GRM7: variants seen among roughly 807,000 people sequenced by gnomAD.
GRM7 encodes the protein metabotropic glutamate receptor 7.
Under a neutral mutation model 84.5 loss-of-function variants are expected in GRM7, and 35 were observed. The observed-to-expected ratio is 0.41, with a 90% CI of 0.32 to 0.55. GRM7 has a LOEUF of 0.55. Ranked by LOEUF, GRM7 falls within the 20% of genes least tolerant of loss-of-function variation. The pLI is 0.19. For synonymous variants in GRM7, 487 were observed against 455.1 expected (o/e 1.07, Z -0.89); for missense variants, 1,003 against 1,194.6 (o/e 0.84, Z 2.36).
In GRM7 at chr3:7,395,341, G is replaced by A. The variant is rs533780632; in HGVS notation, c.1034-19682G>A. Among the ~76,000 whole-genome samples the A allele has an allele frequency of 3.3e-5, 5 of 152,122 alleles. No individual in the cohort carries two copies. The East Asian group carries it at 7.7e-4, about 24-fold the overall frequency. On this transcript the variant is annotated intron_variant, in intron 4 of 9. Transcript: ENST00000357716. ...ATGATCATGTATTCAAGTTGGATAG[G>A]CATTTTTTCTCATAATAAATTTAAA...
At chr3:7,654,687 A>G (rs1699101684) in intron 8 of GRM7, among the ~76,000 whole-genome samples, 1 of 152,170 alleles carries the variant, frequency 6.6e-6, no homozygotes, top group Non-Finnish European at 1.5e-5. Flanking sequence ...AAAAATGAGA[A>G]TCACCTGAGG....
Position 7,378,964 on chromosome 3 carries a change from A to C in GRM7, c.1034-36059A>C, listed in dbSNP as rs112422471. Among the ~76,000 whole-genome samples the C allele has an allele frequency of 2.3e-3, 344 of 152,358 alleles. 2 individuals are homozygous for C. Among genetic ancestry groups the C allele is most frequent in the African/African-American group, 7.8e-3 (324 of 41,584 alleles). The stretch of plus-strand genomic sequence containing the variant: ...CATTATCACATCTAACAGAAACACT[A>C]TCCAGCCCATTATCAAATTTCCTTG... On this transcript the variant is annotated intron_variant, in intron 4 of 9. Coordinates refer to ENST00000357716, the MANE Select transcript of GRM7 (RefSeq NM_000844.4).
At chr3:7,653,180 C>CTTTTTTTTTTTT (rs1218949173) in intron 8 of GRM7, among the ~76,000 whole-genome samples, 7 of 89,514 alleles carry the variant, frequency 7.8e-5, no homozygotes, top group African/African-American at 2.2e-4. Context: ...ATACTATATC[C>CTTTTTTTTTTTT]TTTTTTTTTT....
chr3:7,094,895 C>A (rs1424995214), intron 1 of GRM7, among the ~76,000 whole-genome samples: 2 of 151,856 alleles, frequency 1.3e-5, no homozygotes, highest in African/African-American at 4.8e-5. Flanking sequence ...TTCACTAATA[C>A]ATTACAGTAT....
chr3:7,617,823 A>G (rs1396943421), intron 8 of GRM7, among the ~76,000 whole-genome samples: 6 of 152,126 alleles, frequency 3.9e-5, no homozygotes, highest in African/African-American at 1.4e-4. Flanking sequence ...GACCTTTATT[A>G]AAGAATAAGG....
intron 5 of GRM7, among the ~76,000 whole-genome samples, chr3:7,420,193 T>C (rs1343714249): frequency 1.3e-5 from 2 of 152,154 alleles, no homozygotes; most frequent in African/African-American, 4.8e-5. Flanking sequence ...TATAATTCGT[T>C]AACAAGACTG....
chr3:7,446,798 ATC>A (rs1481238616), intron 5 of GRM7, among the ~76,000 whole-genome samples: 12 of 152,002 alleles, frequency 7.9e-5, no homozygotes, highest in Non-Finnish European at 1.5e-4. Context: ...AATCCATTAT[ATC>A]TTTCATTTTC....
intron 7 of GRM7, among the ~76,000 whole-genome samples, chr3:7,547,441 C>T (rs576912556): frequency 1.4e-4 from 22 of 152,090 alleles, no homozygotes; most frequent in East Asian, 3.9e-4. Flanking sequence ...CTCCTGACCT[C>T]GTGATCTGCC....
chr3:7,171,272 C>G (rs531862373), intron 2 of GRM7, among the ~76,000 whole-genome samples: 1 of 152,228 alleles, frequency 6.6e-6, no homozygotes, highest in South Asian at 2.1e-4. Context: ...CTCTGCTTGT[C>G]TGTGTTTGTG....
chr3:6,956,985 A>T (rs1210611553), intron 1 of GRM7, among the ~76,000 whole-genome samples: 1 of 152,236 alleles, frequency 6.6e-6, no homozygotes, highest in Non-Finnish European at 1.5e-5. Flanking sequence ...ATCATGCTGA[A>T]TATCTAAAAA....
At chr3:6,949,047 CCATTTA>C (rs1698202651) in intron 1 of GRM7, among the ~76,000 whole-genome samples, 1 of 143,856 alleles carries the variant, frequency 7.0e-6, no homozygotes, top group South Asian at 2.3e-4. Context: ...AGCATTTAGC[CCATTTA>C]CATTTAAGGT....
intron 4 of GRM7, among the ~76,000 whole-genome samples, chr3:7,317,837 A>C (rs2125049546): frequency 6.6e-6 from 1 of 152,170 alleles, no homozygotes; most frequent in East Asian, 1.9e-4. Context: ...GTGAGGGAAT[A>C]AAGAGAAGGA....
intron 4 of GRM7, among the ~76,000 whole-genome samples, chr3:7,334,435 A>G (rs1206041041): frequency 2.0e-5 from 3 of 151,918 alleles, no homozygotes; most frequent in Admixed American, 6.6e-5. Context: ...CTGAAAATAT[A>G]CCAAAATAGA....
chr3:7,046,026 A>G (rs191382133), intron 1 of GRM7, among the ~76,000 whole-genome samples: 3 of 152,152 alleles, frequency 2.0e-5, no homozygotes, highest in East Asian at 1.9e-4. Flanking sequence ...TTTTCTCCAT[A>G]TCTTTGCCAG....
intron 1 of GRM7, among the ~76,000 whole-genome samples, chr3:7,068,421 G>A (rs6777970): frequency 0.12 from 18,041 of 151,976 alleles, 1,644 homozygotes; most frequent in African/African-American, 0.25. Context: ...TAATAGTTAC[G>A]CACAAAGTAC....
intron 7 of GRM7, among the ~76,000 whole-genome samples, chr3:7,523,274 G>A (rs528487727): frequency 6.6e-6 from 1 of 152,144 alleles, no homozygotes; most frequent in East Asian, 1.9e-4. Context: ...AAGGAGAAGG[G>A]GCAATTGATA....
At chr3:7,641,923 CT>C (rs1698382657) in intron 8 of GRM7, among the ~76,000 whole-genome samples, 1 of 144,120 alleles carries the variant, frequency 6.9e-6, no homozygotes, top group Non-Finnish European at 1.5e-5. Context: ...ACCATGTTTA[CT>C]TTGAAATCAA....
intron 2 of GRM7, among the ~76,000 whole-genome samples, chr3:7,193,533 C>T (rs1391003171): frequency 6.6e-6 from 1 of 152,000 alleles, no homozygotes; most frequent in Non-Finnish European, 1.5e-5. Context: ...AAGTTCAAAA[C>T]AATAAAGCTC....
chr3:7,335,925 A>G (rs1294838229), intron 4 of GRM7, among the ~76,000 whole-genome samples: 3 of 152,044 alleles, frequency 2.0e-5, no homozygotes, highest in South Asian at 2.1e-4. Context: ...AATTGCCAAA[A>G]AAAGGTCTAG....
Sources: gnomAD v4.1 joint callset for allele counts (sites outside exome capture counted in the v4.1 genomes callset) on GRCh38, gnomAD v4.1.1 for gene constraint, MANE v1.5 for transcripts, NCBI Gene and HGNC (gene_info 2026-07-23, HGNC 2026-07-21) for gene names.